The following WWC1 variants were observed in gnomAD, a reference collection of about 807,000 sequenced individuals.
WWC1 encodes protein KIBRA.
Under a neutral mutation model 138.4 loss-of-function variants are expected in WWC1, and 55 were observed. The observed-to-expected ratio is 0.40, with a 90% CI of 0.32 to 0.50. The LOEUF is 0.50. Among genes scored for constraint, WWC1 ranks in the 20% least tolerant of loss-of-function variants. The probability of loss-of-function intolerance (pLI) is 0.72; values close to 1 mark genes in which losing one functional copy is unlikely to be tolerated. For synonymous variants in WWC1, 524 were observed against 564.9 expected, an observed-to-expected ratio of 0.93 and a Z score of 1.03; for missense variants, 1,226 against 1,420.4, an observed-to-expected ratio of 0.86 and a Z score of 2.20.
intron 15 of WWC1, among the ~76,000 whole-genome samples, chr5:168,436,615 C>A (rs1782368639): frequency 6.6e-6 from 1 of 152,178 alleles, no homozygotes; most frequent in Non-Finnish European, 1.5e-5. Flanking sequence ...ATGCCCCTGA[C>A]CTTTCATCCT....
intron 15 of WWC1, among the ~76,000 whole-genome samples, chr5:168,434,030 C>T (rs1213662882): frequency 3.3e-5 from 5 of 152,272 alleles, no homozygotes; most frequent in Non-Finnish European, 7.3e-5. Context: ...TTTGCCAGCA[C>T]AGGGCTCCCT....
At chr5:168,359,378 A>C (rs1775713364) in intron 1 of WWC1, among the ~76,000 whole-genome samples, 1 of 152,166 alleles carries the variant, frequency 6.6e-6, no homozygotes, top group South Asian at 2.1e-4. Flanking sequence ...TTTTTTACCT[A>C]ATATGTGTCT....
At position 168,390,590 on chromosome 5, in the gene WWC1, A is replaced by T. The variant is rs184046639; in HGVS notation, c.433+5176A>T. On this transcript the variant is annotated intron_variant, in intron 3 of 22. Transcript: ENST00000265293. ...AACAAGGTGTGACCCAAGCCTCATC[A>T]TGACTCTGTCTTCAAGTTTTACAAG... Among the ~76,000 whole-genome samples, 46 of 152,356 alleles carry T rather than the reference A, an allele frequency of 3.0e-4. No individual in the cohort carries two copies. In the East Asian group the frequency reaches 7.5e-3, roughly 25 times the overall value.
At chr5:168,327,398 G>T (rs1012862372) in intron 1 of WWC1, among the ~76,000 whole-genome samples, 3 of 152,240 alleles carry the variant, frequency 2.0e-5, no homozygotes, top group Non-Finnish European at 2.9e-5. Flanking sequence ...CTAAGAGCAG[G>T]AATGTTTATG....
At chr5:168,385,989 T>A (rs13189663) in intron 3 of WWC1, among the ~76,000 whole-genome samples, 41,963 of 151,904 alleles carry the variant, frequency 0.28, 5,972 homozygotes, top group South Asian at 0.41. Flanking sequence ...AGGCTCCAGA[T>A]GCACTGAGCC....
chr5:168,410,401 A>G (rs997928295), intron 8 of WWC1, among the ~76,000 whole-genome samples: 1 of 152,232 alleles, frequency 6.6e-6, no homozygotes, highest in African/African-American at 2.4e-5. Flanking sequence ...CACAGCTGGG[A>G]GCAAGCTGGG....
chr5:168,408,453 C>G, intron 6 of WWC1, 54 bp from the exon 7 acceptor site: 1 of 1,595,298 alleles, frequency 6.3e-7, no homozygotes, highest in Non-Finnish European at 8.6e-7. Context: ...CGTGGCAGAC[C>G]CAGAGCTCCC....
At chr5:168,334,620 T>G (rs1373112040) in intron 1 of WWC1, among the ~76,000 whole-genome samples, 3 of 152,194 alleles carry the variant, frequency 2.0e-5, no homozygotes, top group Admixed American at 1.3e-4. Flanking sequence ...ATTATTTCTG[T>G]GTCTGCCTTC....
Position 168,455,376 on chromosome 5 carries a change from G to A in WWC1, c.2679G>A (p.Thr893=), listed in dbSNP as rs138424802. 8.1e-5 allele frequency: 128 copies of A among 1,580,404 alleles called. No homozygotes were observed. In the Middle Eastern group the frequency reaches 8.4e-4, roughly 10 times the overall value. The change falls in exon 19 of 23, where the codon ACG becomes ACA. Residue 893 remains threonine, a synonymous_variant. Coordinates refer to ENST00000265293, the MANE Select transcript of WWC1 (RefSeq NM_015238.3). ...PALKVDKETN[T]ETPAPSPTVV... is the part of the protein sequence containing the mutation. ...CTCAGGTGGACAAAGAGACCAACACGGAGACCCCGGCCCCATCCCCCACAG... is the reference window on the plus strand; with the variant it reads ...CTCAGGTGGACAAAGAGACCAACACAGAGACCCCGGCCCCATCCCCCACAG...
intron 1 of WWC1, among the ~76,000 whole-genome samples, chr5:168,299,910 G>T (rs1437022449): frequency 2.6e-5 from 4 of 152,336 alleles, no homozygotes; most frequent in African/African-American, 9.6e-5. Flanking sequence ...GCCACATGTG[G>T]TGCTAGGTGA....
chr5:168,318,503 TCTGA>T (rs1002697470), intron 1 of WWC1, among the ~76,000 whole-genome samples: 2 of 152,128 alleles, frequency 1.3e-5, no homozygotes, highest in African/African-American at 2.4e-5. Context: ...ATTTGACTTC[TCTGA>T]CTGCCTCATA....
rs1472611543 is a variant in WWC1 at position 168,471,135 on chromosome 5, G to T, written c.*2118G>T. ...GGGAGTGGTGCCACCTTCACTTGCT[G>T]CTGAGGCTCTTCCCCCTCTCCCCAG... On this transcript the variant is annotated 3_prime_UTR_variant, in exon 23 of 23. Transcript: ENST00000265293. 1.3e-5 allele frequency: 2 copies of T among 152,516 alleles called. No homozygotes were observed. The highest frequency in any genetic ancestry group is 1.5e-5 in the Non-Finnish European group (1 of 68,358). 9.4% of individuals were successfully genotyped at this position (152,516 alleles called of 1,614,324 possible).
intron 2 of WWC1, among the ~76,000 whole-genome samples, chr5:168,380,467 A>G (rs1006461978): frequency 6.6e-6 from 1 of 152,124 alleles, no homozygotes; most frequent in African/African-American, 2.4e-5. Context: ...TAAAATTCCA[A>G]CGAGGTATCA....
chr5:168,465,422 C>A (rs1757181298), intron 21 of WWC1, among the ~76,000 whole-genome samples: 1 of 151,658 alleles, frequency 6.6e-6, no homozygotes, highest in African/African-American at 2.4e-5. Flanking sequence ...AACAAGGATG[C>A]CCTGGAGTAC....
At chr5:168,343,641 G>A (rs1034898778) in intron 1 of WWC1, among the ~76,000 whole-genome samples, 1 of 152,058 alleles carries the variant, frequency 6.6e-6, no homozygotes, top group Non-Finnish European at 1.5e-5. Flanking sequence ...GACCAACATG[G>A]TGAAACCCCG....
rs150905012 is a variant in WWC1, at chr5:168,444,618, G to C, written c.2525+33G>C. 5.8e-4 allele frequency: 934 copies of C among 1,610,106 alleles called. 5 individuals are homozygous for C. The African/African-American group carries it at 0.011, about 19-fold the overall frequency. The stretch of plus-strand genomic sequence containing the variant: ...AGCCCGCCCTTGGGCCCCAGGAGCT[G>C]CCCTGCCTGGACCTAGGCCCAGCAA... On this transcript the variant is annotated intron_variant, in intron 17 of 22. Coordinates refer to ENST00000265293, the MANE Select transcript of WWC1 (RefSeq NM_015238.3).
At chr5:168,438,457 G>A (rs1345342005) in intron 15 of WWC1, among the ~76,000 whole-genome samples, 1 of 152,164 alleles carries the variant, frequency 6.6e-6, no homozygotes, top group South Asian at 2.1e-4. Flanking sequence ...CTTCTGCCAT[G>A]ATTATAAGTT....
At chr5:168,395,208 C>T (rs1167149811) in intron 3 of WWC1, among the ~76,000 whole-genome samples, 1 of 152,228 alleles carries the variant, frequency 6.6e-6, no homozygotes, top group Non-Finnish European at 1.5e-5. Flanking sequence ...GCCACAGTCT[C>T]CTCAACATTG....
rs199848772 is a variant in WWC1 at position 168,422,060 on chromosome 5, A to T, written c.1237A>T (p.Thr413Ser). Residue 413 changes from threonine (T) to serine (S), a missense_variant, in exon 10 of 23, where the codon ACC (threonine) becomes TCC (serine). Physicochemically the swap from Thr to Ser is moderately conservative, Grantham distance 58. Coordinates refer to ENST00000265293, the MANE Select transcript of WWC1 (RefSeq NM_015238.3). ...NQLVRELEEA[T>S]RQVATLHSQL... Reference sequence around the variant, plus strand: ...GCTTGTGAGAGAACTGGAGGAAGCCACCCGGCAGGTGGCAACTCTGCACTC... The same window carrying T: ...GCTTGTGAGAGAACTGGAGGAAGCCTCCCGGCAGGTGGCAACTCTGCACTC... 2 of 1,612,988 alleles carry T rather than the reference A, an allele frequency of 1.2e-6. No individual in the cohort carries two copies. The highest frequency in any genetic ancestry group is 3.3e-5 in the Admixed American group (2 of 59,984).
Sources: allele counts gnomAD v4.1 joint callset (sites outside exome capture counted in the v4.1 genomes callset), GRCh38; gene constraint gnomAD v4.1.1; transcripts MANE v1.5; gene names NCBI Gene and HGNC (gene_info 2026-07-23, HGNC 2026-07-21).